Variants in TRABD2B observed in about 807,000 individuals in gnomAD.
TRABD2B encodes the protein TraB domain containing 2B.
In TRABD2B, 14 loss-of-function variants were observed where a neutral mutation model predicts 40.1. That is an observed-to-expected ratio of 0.35 (90% CI 0.23 to 0.55). The LOEUF is 0.55. Among genes scored for constraint, TRABD2B ranks in the 20% least tolerant of loss-of-function variants. TRABD2B has a pLI of 0.90. For synonymous variants in TRABD2B, 263 were observed against 277.0 expected, an observed-to-expected ratio of 0.95 and a Z score of 0.50; for missense variants, 541 against 648.6, an observed-to-expected ratio of 0.83 and a Z score of 1.80.
intron 2 of TRABD2B, among the ~76,000 whole-genome samples, chr1:47,840,463 T>C (rs1645381346): frequency 6.6e-6 from 1 of 152,160 alleles, no homozygotes; most frequent in African/African-American, 2.4e-5. Flanking sequence ...TTTCTCTGCT[T>C]AGACAGACCC....
intron 2 of TRABD2B, among the ~76,000 whole-genome samples, chr1:47,956,166 A>G (rs960161677): frequency 7.9e-5 from 12 of 152,102 alleles, no homozygotes; most frequent in Non-Finnish European, 1.5e-4. Context: ...TGCCTCTACC[A>G]CCATAGAAAC....
intron 2 of TRABD2B, among the ~76,000 whole-genome samples, chr1:47,806,019 C>T (rs930401535): frequency 6.6e-6 from 1 of 152,124 alleles, no homozygotes; most frequent in Non-Finnish European, 1.5e-5. Context: ...ACCAAAGAAG[C>T]AGAAGGGAGT....
At chr1:47,864,183 C>T (rs1557622052) in intron 2 of TRABD2B, among the ~76,000 whole-genome samples, 2 of 151,894 alleles carry the variant, frequency 1.3e-5, no homozygotes, top group African/African-American at 2.4e-5. Context: ...GACACATGTC[C>T]ACCATTTGTC....
intron 4 of TRABD2B, among the ~76,000 whole-genome samples, chr1:47,789,875 T>C (rs983745393): frequency 1.3e-5 from 2 of 151,800 alleles, no homozygotes; most frequent in African/African-American, 2.4e-5. Flanking sequence ...TCCTGTATCA[T>C]CAGCCTCACT....
intron 2 of TRABD2B, among the ~76,000 whole-genome samples, chr1:47,823,095 T>C (rs776397542): frequency 6.6e-6 from 1 of 152,212 alleles, no homozygotes; most frequent in African/African-American, 2.4e-5. Context: ...GCCTGGCAGA[T>C]CCATCTGTGT....
chr1:47,833,189 CA>C (rs1448922800), intron 2 of TRABD2B, among the ~76,000 whole-genome samples: 2 of 152,154 alleles, frequency 1.3e-5, no homozygotes, highest in Admixed American at 1.3e-4. Context: ...GGGATGGTGG[CA>C]GAGAGGTTCT....
chr1:47,861,646 A>T (rs940335838), intron 2 of TRABD2B, among the ~76,000 whole-genome samples: 22 of 152,308 alleles, frequency 1.4e-4, no homozygotes, highest in Non-Finnish European at 2.6e-4. Flanking sequence ...AACAAAAAGC[A>T]CCAGGCCCTG....
At chr1:47,890,225 A>G (rs1644425659) in intron 2 of TRABD2B, among the ~76,000 whole-genome samples, 1 of 152,382 alleles carries the variant, frequency 6.6e-6, no homozygotes, top group East Asian at 1.9e-4. Context: ...AGTAACTACA[A>G]CAGACTTGGG....
chr1:47,772,737 G>A (rs1644392838), intron 6 of TRABD2B, among the ~76,000 whole-genome samples: 1 of 152,174 alleles, frequency 6.6e-6, no homozygotes, highest in Non-Finnish European at 1.5e-5. Context: ...CCTGGGGACT[G>A]CAGGAGGGTG....
intron 5 of TRABD2B, among the ~76,000 whole-genome samples, chr1:47,777,418 A>G (rs985575602): frequency 1.3e-5 from 2 of 152,166 alleles, no homozygotes; most frequent in Non-Finnish European, 2.9e-5. Flanking sequence ...TGAAGTCCCA[A>G]TGTGAGGGTT....
intron 2 of TRABD2B, among the ~76,000 whole-genome samples, chr1:47,968,244 T>C (rs746115295): frequency 3.3e-5 from 5 of 152,240 alleles, no homozygotes; most frequent in Non-Finnish European, 7.3e-5. Flanking sequence ...ATGACCCAGA[T>C]GCACATTTCC....
chr1:47,899,859 A>G (rs1374154013), intron 2 of TRABD2B, among the ~76,000 whole-genome samples: 1 of 152,258 alleles, frequency 6.6e-6, no homozygotes, highest in Admixed American at 6.5e-5. Context: ...GCAGCCTTGC[A>G]CTGTCAGTCT....
Position 47,843,476 on chromosome 1 carries a change from G to A in TRABD2B, c.667-41857C>T, listed in dbSNP as rs78200433. On this transcript the variant is annotated intron_variant, in intron 2 of 6. Coordinates refer to ENST00000606738, the MANE Select transcript of TRABD2B (RefSeq NM_001194986.2). Reference sequence around the variant, plus strand: ...CAACTGTCGGAGTGGAGCAGGCTTGGGAGTAGGGGAAGATTTGGAGTTTGG... The same window carrying A: ...CAACTGTCGGAGTGGAGCAGGCTTGAGAGTAGGGGAAGATTTGGAGTTTGG... Among the ~76,000 whole-genome samples the A allele has an allele frequency of 9.0e-3, 1,370 of 152,280 alleles. 28 individuals are homozygous for A. Among genetic ancestry groups the A allele is most frequent in the African/African-American group, 0.031 (1,307 of 41,548 alleles).
chr1:47,813,017 G>A lies in TRABD2B; in HGVS notation c.667-11398C>T, dbSNP rs967517614. Among the ~76,000 whole-genome samples, 9 of 152,294 alleles carry A rather than the reference G, an allele frequency of 5.9e-5. No homozygotes were observed. In the East Asian group the frequency reaches 9.7e-4, roughly 16 times the overall value. On this transcript the variant is annotated intron_variant, in intron 2 of 6. Coordinates refer to ENST00000606738, the MANE Select transcript of TRABD2B (RefSeq NM_001194986.2). The surrounding 1 kb of genome is among the most constrained non-coding windows in gnomAD (Gnocchi z 4.3). The stretch of plus-strand genomic sequence containing the variant: ...TCTACACGGGAGGCGATCAGTCAGC[G>A]GTAGCCGTGGTTACCATTATCACTG...
chr1:47,861,561 C>T (rs946402480), intron 2 of TRABD2B, among the ~76,000 whole-genome samples: 2 of 152,172 alleles, frequency 1.3e-5, no homozygotes, highest in African/African-American at 4.8e-5. Context: ...CCAAAACTCA[C>T]ACAAGAAGAA....
chr1:47,979,103 G>A (rs1300029900), intron 2 of TRABD2B, among the ~76,000 whole-genome samples: 1 of 152,156 alleles, frequency 6.6e-6, no homozygotes, highest in Non-Finnish European at 1.5e-5. Flanking sequence ...CAAAGCCAAA[G>A]CACCCAAGGA....
At chr1:47,902,298 G>T (rs571626094) in intron 2 of TRABD2B, among the ~76,000 whole-genome samples, 3 of 152,254 alleles carry the variant, frequency 2.0e-5, no homozygotes, top group Non-Finnish European at 1.5e-5. Flanking sequence ...AAAACCAGGG[G>T]CACAATAGGT....
rs1570390490 is a variant in TRABD2B, at chr1:47,969,857, C to G, written c.666+24177G>C. 2.0e-5 allele frequency among the ~76,000 whole-genome samples: 3 copies of G among 152,276 alleles called. 1 individual carries two copies. The highest frequency in any genetic ancestry group is 2.0e-4 in the Admixed American group (3 of 15,296). ...CAAGGTGATGTTTCCCCTGCCATGT[C>G]CTCATGATCAAGAGAAAGGAGCATG... On this transcript the variant is annotated intron_variant, in intron 2 of 6. Coordinates refer to ENST00000606738, the MANE Select transcript of TRABD2B (RefSeq NM_001194986.2).
intron 2 of TRABD2B, among the ~76,000 whole-genome samples, chr1:47,949,547 A>C (rs147247292): frequency 0.034 from 5,167 of 151,270 alleles, 133 homozygotes; most frequent in South Asian, 0.062. Context: ...AGCTGGGATT[A>C]CAGGTGCGTG....
Sources: allele counts gnomAD v4.1 joint callset (sites outside exome capture counted in the v4.1 genomes callset), GRCh38; gene constraint gnomAD v4.1.1; non-coding constraint Gnocchi (gnomAD v3.1); transcripts MANE v1.5; gene names NCBI Gene and HGNC (gene_info 2026-07-23, HGNC 2026-07-21).